Variants in CHN1 observed in about 807,000 individuals in gnomAD.
The protein encoded by CHN1 is N-chimaerin.
CHN1 carries 37 observed loss-of-function variants against 59.5 expected under a neutral mutation model. The ratio of observed to expected loss-of-function variants is 0.62; its 90% CI spans 0.48 to 0.82. CHN1 has a LOEUF of 0.82. Ranked by LOEUF, CHN1 falls within the 40% of genes least tolerant of loss-of-function variation. The probability of loss-of-function intolerance (pLI) is 0.00; values close to 1 mark genes in which losing one functional copy is unlikely to be tolerated. For synonymous variants in CHN1, 206 were observed against 200.4 expected (o/e 1.03, Z -0.24); for missense variants, 469 against 571.0 (o/e 0.82, Z 1.82).
At chr2:174,882,729 C>T (rs951846566) in intron 5 of CHN1, among the ~76,000 whole-genome samples, 2 of 152,120 alleles carry the variant, frequency 1.3e-5, no homozygotes, top group African/African-American at 4.8e-5. Context: ...ATATATTTGT[C>T]TGTTGTTTAC....
chr2:174,821,597 G>A (rs1289716186), intron 8 of CHN1: 1 of 211,870 alleles, frequency 4.7e-6, no homozygotes, highest in East Asian at 1.5e-4. Flanking sequence ...CTCTTATAAA[G>A]GGGCTTGACA....
chr2:174,931,000 C>T (rs576679262), intron 3 of CHN1, among the ~76,000 whole-genome samples: 1 of 152,174 alleles, frequency 6.6e-6, no homozygotes, highest in Non-Finnish European at 1.5e-5. Context: ...GTACTCCTGA[C>T]CTCGTGATCT....
At chr2:174,950,777 G>GTTTTTT (rs34886920) in intron 2 of CHN1, among the ~76,000 whole-genome samples, 3 of 127,300 alleles carry the variant, frequency 2.4e-5, no homozygotes, top group African/African-American at 9.3e-5. Context: ...ATGCAGAGAA[G>GTTTTTT]TTTTTTTTTT....
intron 1 of CHN1, among the ~76,000 whole-genome samples, chr2:174,957,326 A>G (rs1690238371): frequency 6.6e-6 from 1 of 152,000 alleles, no homozygotes; most frequent in African/African-American, 2.4e-5. Flanking sequence ...GAGCTGAAAC[A>G]AGGCGGAGAA....
intron 7 of CHN1, among the ~76,000 whole-genome samples, chr2:174,843,974 CTGTGTGTGTG>C (rs34733435): frequency 4.0e-5 from 6 of 149,972 alleles, no homozygotes; most frequent in Non-Finnish European, 5.9e-5. Context: ...CTCTCTTTCT[CTGTGTGTGTG>C]TGTGTGTGTT....
intron 6 of CHN1, among the ~76,000 whole-genome samples, chr2:174,865,379 T>C (rs146104770): frequency 9.0e-4 from 137 of 152,260 alleles, no homozygotes; most frequent in Admixed American, 7.7e-3. Context: ...CTAAGGGGCA[T>C]TGTGTGGAAG....
rs565758349 is a variant in CHN1 at position 174,942,600 on chromosome 2, A to G, written c.114+2288T>C. 1.3e-4 allele frequency among the ~76,000 whole-genome samples: 20 copies of G among 152,330 alleles called. No individual in the cohort carries two copies. The East Asian group carries it at 3.3e-3, about 25-fold the overall frequency. ...AAATAATTTATATTTTCAATTAGCT[A>G]GAAGAGAGAATTGTGAATGTCTCAA... is the stretch of plus-strand genomic sequence containing the variant. On this transcript the variant is annotated intron_variant, in intron 3 of 12. Transcript: ENST00000409900.
rs541665525 is a variant in CHN1, at chr2:174,876,595, C to T, written c.549+1245G>A. ...TAAAAAAACAATTTTTATACATTTT[C>T]TACAGCTTATCCTTTTAAATGTTGT... On this transcript the variant is annotated intron_variant, in intron 6 of 12. Transcript: ENST00000409900. Among the ~76,000 whole-genome samples, 7 of 152,252 alleles carry T rather than the reference C, an allele frequency of 4.6e-5. No individual in the cohort carries two copies. The East Asian group carries it at 1.4e-3, about 29-fold the overall frequency.
chr2:174,822,186 T>A (rs1338755955), intron 8 of CHN1, among the ~76,000 whole-genome samples: 1 of 152,200 alleles, frequency 6.6e-6, no homozygotes, highest in African/African-American at 2.4e-5. Flanking sequence ...CACATTAATA[T>A]GGTTCAAATC....
chr2:174,987,946 G>T (rs1287717700), intron 1 of CHN1, among the ~76,000 whole-genome samples: 2 of 151,988 alleles, frequency 1.3e-5, no homozygotes, highest in African/African-American at 2.4e-5. Context: ...TTTAACTATG[G>T]TGAGGATGGT....
chr2:174,834,828 T>C (rs1429960248), intron 7 of CHN1, among the ~76,000 whole-genome samples: 2 of 152,208 alleles, frequency 1.3e-5, no homozygotes, highest in Non-Finnish European at 2.9e-5. Flanking sequence ...CAAATGTGCA[T>C]TGTATTCTTG....
chr2:174,998,302 CAA>C (rs34770658), intron 1 of CHN1, among the ~76,000 whole-genome samples: 31 of 48,798 alleles, frequency 6.4e-4, no homozygotes, highest in Non-Finnish European at 9.5e-4. Context: ...GACTCTGTCT[CAA>C]AAAAAAAAAA....
chr2:174,974,896 A>C (rs62184803), intron 1 of CHN1, among the ~76,000 whole-genome samples: 5,781 of 100,920 alleles, frequency 0.057, 169 homozygotes, highest in Admixed American at 0.1. Flanking sequence ...AGAAATAATT[A>C]ATACACACAC....
At chr2:174,877,696 C>G in intron 6 of CHN1, 144 bp downstream of exon 6, 1 of 586,316 alleles carries the variant, frequency 1.7e-6, no homozygotes, top group Non-Finnish European at 2.8e-6. Flanking sequence ...ATATGCAAAG[C>G]TCAGCATCAC....
chr2:174,878,032 AT>A lies in CHN1; in HGVS notation c.356del (p.Asp119ValfsTer3). ...RFESIHDLVTDGLITLYIETK... is the reference protein window; with the variant it reads ...RFESIHDLVTXGLITLYIETK... ...TTTCAATATAGAGAGTAATCAAGCC[AT>A]CAGTCACCAGATCGTGGATGGACTC... is the stretch of plus-strand genomic sequence containing the variant. On this transcript the variant is annotated frameshift_variant, in exon 6 of 13. Coordinates refer to ENST00000409900, the MANE Select transcript of CHN1 (RefSeq NM_001822.7). LOFTEE classifies it high-confidence loss of function. 1 of 1,613,898 alleles carries A rather than the reference AT, an allele frequency of 6.2e-7. No homozygotes were observed. The highest frequency in any genetic ancestry group is 2.2e-5 in the East Asian group (1 of 44,880).
chr2:174,961,910 C>T (rs1164617912), intron 1 of CHN1, among the ~76,000 whole-genome samples: 1 of 152,188 alleles, frequency 6.6e-6, no homozygotes, highest in Admixed American at 6.5e-5. Context: ...TCAGGAGTCC[C>T]TGGACCATGC....
At chr2:174,897,692 G>C (rs1464642942) in intron 5 of CHN1, among the ~76,000 whole-genome samples, 1 of 151,982 alleles carries the variant, frequency 6.6e-6, no homozygotes, top group Admixed American at 6.6e-5. Flanking sequence ...CTCATAACTT[G>C]ATAGAAAACA....
intron 8 of CHN1, among the ~76,000 whole-genome samples, chr2:174,813,501 T>C (rs571622938): frequency 4.0e-4 from 61 of 152,334 alleles, no homozygotes; most frequent in African/African-American, 1.3e-3. Context: ...GGTTATAACT[T>C]CTAAGATGCC....
chr2:174,992,777 A>C (rs1691583650), intron 1 of CHN1, among the ~76,000 whole-genome samples: 2 of 151,758 alleles, frequency 1.3e-5, no homozygotes. Flanking sequence ...GTTGAGAGAG[A>C]ATCCCTCTAC....
Sources: allele counts gnomAD v4.1 joint callset (sites outside exome capture counted in the v4.1 genomes callset), GRCh38; gene constraint gnomAD v4.1.1; transcripts MANE v1.5; gene names NCBI Gene and HGNC (gene_info 2026-07-23, HGNC 2026-07-21).